Variants in ZBTB2 observed in about 807,000 individuals in gnomAD.
The protein encoded by ZBTB2 is zinc finger and BTB domain-containing protein 2.
In ZBTB2, 2 loss-of-function variants were observed where a neutral mutation model predicts 39.5. The ratio of observed to expected loss-of-function variants is 0.05; its 90% CI spans 0.02 to 0.16. The LOEUF (loss-of-function observed/expected upper bound fraction) is 0.16, where lower values mean the gene tolerates loss of function less well. Among genes scored for constraint, ZBTB2 ranks in the 10% least tolerant of loss-of-function variants. The pLI, the probability that ZBTB2 is intolerant of heterozygous loss-of-function variation, is 1.00. For missense variants in ZBTB2, 391 were observed against 653.0 expected (o/e 0.60, Z 4.37); for synonymous variants, 251 against 256.6 (o/e 0.98, Z 0.21).
At chr6:151,368,688 A>C (rs989599130) in intron 2 of ZBTB2, among the ~76,000 whole-genome samples, 5 of 137,822 alleles carry the variant, frequency 3.6e-5, no homozygotes, top group African/African-American at 5.5e-5. Flanking sequence ...TCCTGACCTC[A>C]GGTGATCTGC....
chr6:151,370,702 C>T (rs931374328), intron 2 of ZBTB2, among the ~76,000 whole-genome samples: 1 of 152,128 alleles, frequency 6.6e-6, no homozygotes, highest in Non-Finnish European at 1.5e-5. Flanking sequence ...AAAAACTGAC[C>T]GTATTCTCAG....
rs142301548 is a variant in ZBTB2 at position 151,389,012 on chromosome 6, G to C, written c.-13+2408C>G. On this transcript the variant is annotated intron_variant, in intron 1 of 2. Transcript: ENST00000325144. ...CCGGCGTATCACTTCTTGTACTTAC[G>C]ATGGCTTCAATAACTGGACAATTCT... is the stretch of plus-strand genomic sequence containing the variant. Among the ~76,000 whole-genome samples, 368 of 152,326 alleles carry C rather than the reference G, an allele frequency of 2.4e-3. 2 individuals carry two copies. Among genetic ancestry groups the C allele is most frequent in the African/African-American group, 8.5e-3 (352 of 41,560 alleles).
At chr6:151,378,109 A>T (rs983818577) in intron 1 of ZBTB2, 8 of 152,196 alleles carry the variant, frequency 5.3e-5, no homozygotes, top group Non-Finnish European at 1.2e-4. Flanking sequence ...CATCCACAGC[A>T]ATTCTTAATC....
chr6:151,387,060 A>G (rs1779173054), intron 1 of ZBTB2, among the ~76,000 whole-genome samples: 1 of 152,224 alleles, frequency 6.6e-6, no homozygotes. Flanking sequence ...AAGAAAATCC[A>G]GCCTCACCCA....
intron 2 of ZBTB2, among the ~76,000 whole-genome samples, chr6:151,372,903 C>A (rs1778815156): frequency 6.6e-6 from 1 of 151,928 alleles, no homozygotes; most frequent in Admixed American, 6.6e-5. Flanking sequence ...GCCTGTAATC[C>A]CAGCACTTTG....
At chr6:151,377,289 G>A (rs958875173) in intron 1 of ZBTB2, among the ~76,000 whole-genome samples, 9 of 152,032 alleles carry the variant, frequency 5.9e-5, no homozygotes, top group African/African-American at 1.9e-4. Flanking sequence ...GTTTCCATTA[G>A]GGGAAACTGG....
At chr6:151,386,097 A>G (rs951118073) in intron 1 of ZBTB2, among the ~76,000 whole-genome samples, 11 of 152,214 alleles carry the variant, frequency 7.2e-5, no homozygotes, top group African/African-American at 2.7e-4. Context: ...TTGGGGTCAT[A>G]AGGAGGCAAT....
At chr6:151,386,048 T>C (rs1779142547) in intron 1 of ZBTB2, among the ~76,000 whole-genome samples, 1 of 152,196 alleles carries the variant, frequency 6.6e-6, no homozygotes, top group Non-Finnish European at 1.5e-5. Flanking sequence ...ATTTTCCCTA[T>C]GTTTACACTT....
chr6:151,378,189 A>G (rs1442357772), intron 1 of ZBTB2: 1 of 152,196 alleles, frequency 6.6e-6, no homozygotes, highest in East Asian at 1.9e-4. Flanking sequence ...AAATTAACAA[A>G]TATACCCTAA....
rs1283792046 is a variant in ZBTB2 at position 151,364,386 on chromosome 6, GAAGA to G, written c.*1131_*1134del. On this transcript the variant is annotated 3_prime_UTR_variant, in exon 3 of 3. Coordinates refer to ENST00000325144, the MANE Select transcript of ZBTB2 (RefSeq NM_020861.3). ...GGAGAAAATTTCAGGCATTAAGAAA[GAAGA>G]AAGAAAAAAAAACAACCAAAAACCT... is the stretch of plus-strand genomic sequence containing the variant. 3 of 117,640 alleles carry G rather than the reference GAAGA, an allele frequency of 2.6e-5. No individual in the cohort carries two copies. The highest frequency in any genetic ancestry group is 7.4e-5 in the African/African-American group (3 of 40,270). 7.3% of individuals were successfully genotyped at this position (117,640 alleles called of 1,614,324 possible).
At chr6:151,380,389 C>T (rs1241807005) in intron 1 of ZBTB2, among the ~76,000 whole-genome samples, 1 of 152,212 alleles carries the variant, frequency 6.6e-6, no homozygotes, top group Admixed American at 6.5e-5. Flanking sequence ...GTACTGACTT[C>T]TCTTAAATCT....
intron 1 of ZBTB2, among the ~76,000 whole-genome samples, chr6:151,381,231 C>A (rs970382743): frequency 3.9e-5 from 6 of 152,100 alleles, no homozygotes; most frequent in African/African-American, 1.4e-4. Context: ...GCTTAAAATC[C>A]TCCTGTGGGC....
At chr6:151,374,449 C>A (rs1206179018) in intron 1 of ZBTB2, among the ~76,000 whole-genome samples, 1 of 152,178 alleles carries the variant, frequency 6.6e-6, no homozygotes, top group African/African-American at 2.4e-5. Context: ...CCCTGGCAAA[C>A]CCCGCTGGCC....
At chr6:151,368,962 T>C (rs1227904312) in intron 2 of ZBTB2, among the ~76,000 whole-genome samples, 2 of 142,074 alleles carry the variant, frequency 1.4e-5, no homozygotes, top group Non-Finnish European at 3.1e-5. Context: ...AGGATTTCAC[T>C]GTGTTGGCCA....
At chr6:151,368,290 G>A (rs1232323670) in intron 2 of ZBTB2, among the ~76,000 whole-genome samples, 1 of 152,022 alleles carries the variant, frequency 6.6e-6, no homozygotes, top group Non-Finnish European at 1.5e-5. Flanking sequence ...GGGACTACAG[G>A]TGTCCGCCAC....
At chr6:151,386,343 A>G (rs770140088) in intron 1 of ZBTB2, among the ~76,000 whole-genome samples, 1 of 152,208 alleles carries the variant, frequency 6.6e-6, no homozygotes, top group Non-Finnish European at 1.5e-5. Flanking sequence ...CCCGGAGACC[A>G]GCCTGCGCAA....
At position 151,366,268 on chromosome 6, in the gene ZBTB2, C is replaced by T. The variant is rs754540646; in HGVS notation, c.798G>A (p.Arg266=). The T allele has an allele frequency of 2.5e-6, 4 of 1,607,238 alleles. No individual in the cohort carries two copies. Among genetic ancestry groups the T allele is most frequent in the Admixed American group, 3.4e-5 (2 of 59,418 alleles). The change falls in exon 3 of 3, where the codon CGG becomes CGA. Residue 266 remains arginine (R), a synonymous_variant. Coordinates refer to ENST00000325144, the MANE Select transcript of ZBTB2 (RefSeq NM_020861.3). This position sits in a 1 kb window ranked among gnomAD's most constrained non-coding sequence, Gnocchi z 7.1. ...TCTGGAGGTGTTCACGTAAGCTGCT[C>T]CGGAGAGTGAAGCGCCGTCCACACA... The part of the protein sequence containing the change: ...CHLCGRRFTL[R]SSLREHLQIH...
intron 1 of ZBTB2, among the ~76,000 whole-genome samples, chr6:151,377,640 A>C (rs545908683): frequency 1.3e-5 from 2 of 150,632 alleles, no homozygotes; most frequent in Non-Finnish European, 2.9e-5. Flanking sequence ...GCTGGGTTCA[A>C]GCGATTCTCC....
In ZBTB2 at chr6:151,391,515, C is replaced by CGCTGCT. The variant is rs999514026; in HGVS notation, c.-114_-109dup. 3.6e-4 allele frequency: 55 copies of CGCTGCT among 153,380 alleles called. No homozygotes were observed. Among genetic ancestry groups the CGCTGCT allele is most frequent in the Middle Eastern group, 3.4e-3 (1 of 292 alleles). The allele number at this position is 153,380 out of a possible 1,614,324, so 9.5% of individuals were successfully genotyped here. A position where few individuals can be genotyped will look rare whatever the true frequency, so the allele number is the denominator to read the frequency against. Reference sequence around the variant, plus strand: ...CCCCGCCGCCGCCGCCTCTGCCTCTCGCTGCTGCTGCTGCTGCTGCCGCCG... The same window carrying CGCTGCT: ...CCCCGCCGCCGCCGCCTCTGCCTCTCGCTGCTGCTGCTGCTGCTGCTGCTGCCGCCG... On this transcript the variant is annotated 5_prime_UTR_variant, in exon 1 of 3. Transcript: ENST00000325144.
Sources: gnomAD v4.1 joint callset for allele counts (sites outside exome capture counted in the v4.1 genomes callset) on GRCh38, gnomAD v4.1.1 for gene constraint, Gnocchi (gnomAD v3.1) non-coding constraint, MANE v1.5 for transcripts, NCBI Gene and HGNC (gene_info 2026-07-23, HGNC 2026-07-21) for gene names.